Variants in KCMF1 observed in about 807,000 individuals in gnomAD.
KCMF1 encodes the protein potassium channel modulatory factor 1.
KCMF1 carries 3 observed loss-of-function variants against 41.1 expected under a neutral mutation model. That is an observed-to-expected ratio of 0.07 (90% CI 0.03 to 0.19). KCMF1 has a LOEUF of 0.19. Ranked by LOEUF, KCMF1 falls within the 10% of genes least tolerant of loss-of-function variation. The pLI is 1.00. For synonymous variants in KCMF1, 142 were observed against 164.5 expected, an observed-to-expected ratio of 0.86 and a Z score of 1.04; for missense variants, 286 against 488.9, an observed-to-expected ratio of 0.58 and a Z score of 3.91.
intron 1 of KCMF1, among the ~76,000 whole-genome samples, chr2:85,001,434 C>T (rs998808889): frequency 6.6e-6 from 1 of 152,186 alleles, no homozygotes; most frequent in Non-Finnish European, 1.5e-5. Context: ...GCTGGGATTA[C>T]AGGTGTGAGT....
chr2:85,017,273 G>A (rs1574026959), intron 1 of KCMF1, among the ~76,000 whole-genome samples: 2 of 150,858 alleles, frequency 1.3e-5, no homozygotes, highest in Admixed American at 6.6e-5. Context: ...TGATCCACCC[G>A]CTTCGGCCTC....
At chr2:84,981,707 C>G (rs1277761156) in intron 1 of KCMF1, among the ~76,000 whole-genome samples, 2 of 152,112 alleles carry the variant, frequency 1.3e-5, no homozygotes, top group South Asian at 4.1e-4. Context: ...CTGTCATCCT[C>G]CCTACTCAGC....
chr2:84,992,295 G>A (rs921622277), intron 1 of KCMF1, among the ~76,000 whole-genome samples: 1 of 151,938 alleles, frequency 6.6e-6, no homozygotes, highest in South Asian at 2.1e-4. Flanking sequence ...TCACTCTGTC[G>A]CCCAGGCTGG....
At chr2:85,013,020 T>G (rs549168920) in intron 1 of KCMF1, among the ~76,000 whole-genome samples, 5 of 152,302 alleles carry the variant, frequency 3.3e-5, no homozygotes, top group Non-Finnish European at 5.9e-5. Context: ...AGCGAGGATT[T>G]CAGGAACTGC....
rs986023510 is a variant in KCMF1 at position 85,058,144 on chromosome 2, T to C, written c.*4735T>C. ...GGCTCACGCCTGTAATCCCAGCACT[T>C]TGGGAGGCCAAGGCGGGTGGATCAC... On this transcript the variant is annotated 3_prime_UTR_variant, in exon 7 of 7. Transcript: ENST00000409785. 6 of 152,510 alleles carry C rather than the reference T, an allele frequency of 3.9e-5. No homozygotes were observed. The highest frequency in any genetic ancestry group is 3.9e-4 in the Admixed American group (6 of 15,286). 9.4% of individuals were successfully genotyped at this position (152,510 alleles called of 1,614,324 possible).
At chr2:85,026,892 T>C (rs2104027181) in intron 1 of KCMF1, among the ~76,000 whole-genome samples, 1 of 152,352 alleles carries the variant, frequency 6.6e-6, no homozygotes, top group East Asian at 1.9e-4. Flanking sequence ...GCTTTGTTTT[T>C]TTGTGTGTAT....
intron 3 of KCMF1, among the ~76,000 whole-genome samples, chr2:85,039,846 CTT>C (rs1675484075): frequency 6.6e-6 from 1 of 152,016 alleles, no homozygotes; most frequent in African/African-American, 2.4e-5. Context: ...AGATTTTGCT[CTT>C]GTTGCCCAGG....
At chr2:85,045,617 C>T (rs575153314) in intron 4 of KCMF1, among the ~76,000 whole-genome samples, 1 of 152,302 alleles carries the variant, frequency 6.6e-6, no homozygotes, top group South Asian at 2.1e-4. Flanking sequence ...TTGACTTACA[C>T]TCAGCTGTGT....
chr2:85,028,592 C>T (rs1038913184), intron 2 of KCMF1, among the ~76,000 whole-genome samples: 6 of 147,182 alleles, frequency 4.1e-5, no homozygotes, highest in Non-Finnish European at 5.9e-5. Flanking sequence ...CAGGTTCAAG[C>T]GATTCTCCTG....
intron 1 of KCMF1, among the ~76,000 whole-genome samples, chr2:85,007,029 A>G (rs867234056): frequency 3.2e-4 from 48 of 149,230 alleles, no homozygotes; most frequent in African/African-American, 1.1e-3. Context: ...TGGACCCGGG[A>G]GCCAGAGGTT....
chr2:84,989,701 C>T (rs777730353), intron 1 of KCMF1, among the ~76,000 whole-genome samples: 1 of 152,050 alleles, frequency 6.6e-6, no homozygotes, highest in Admixed American at 6.6e-5. Flanking sequence ...ATTAATTGGG[C>T]GTTGCCATTC....
At chr2:85,013,658 C>T (rs1456930325) in intron 1 of KCMF1, among the ~76,000 whole-genome samples, 1 of 151,988 alleles carries the variant, frequency 6.6e-6, no homozygotes, top group African/African-American at 2.4e-5. Context: ...ATTAGCCAGG[C>T]ATGGTGGCAC....
At chr2:85,016,913 C>T (rs1674782230) in intron 1 of KCMF1, among the ~76,000 whole-genome samples, 1 of 152,064 alleles carries the variant, frequency 6.6e-6, no homozygotes. Context: ...TGGTCTCGAA[C>T]CCCTGACCTT....
chr2:84,993,337 C>T (rs1277014496), intron 1 of KCMF1, among the ~76,000 whole-genome samples: 1 of 152,102 alleles, frequency 6.6e-6, no homozygotes, highest in Admixed American at 6.6e-5. Flanking sequence ...AAGAGGAGCT[C>T]ATCACGACTG....
intron 1 of KCMF1, among the ~76,000 whole-genome samples, chr2:84,974,658 CATATATATATATAT>C (rs71392939): frequency 0.014 from 423 of 29,340 alleles, 9 homozygotes; most frequent in African/African-American, 0.053. Context: ...ATTTTAATTT[CATATATATATATAT>C]ATATATATAT....
At chr2:84,977,113 A>T (rs747451290) in intron 1 of KCMF1, among the ~76,000 whole-genome samples, 1 of 152,102 alleles carries the variant, frequency 6.6e-6, no homozygotes, top group African/African-American at 2.4e-5. Context: ...TCCCAGGCTC[A>T]AGTGATCCTC....
chr2:84,973,854 A>T (rs1211991350), intron 1 of KCMF1, among the ~76,000 whole-genome samples: 2 of 104,408 alleles, frequency 1.9e-5, no homozygotes, highest in African/African-American at 3.9e-5. Context: ...TTTTAGCTGG[A>T]GTCTCACTCT....
chr2:84,998,960 A>T (rs368371089), intron 1 of KCMF1, among the ~76,000 whole-genome samples: 1 of 107,568 alleles, frequency 9.3e-6, no homozygotes, highest in Admixed American at 1.1e-4. Context: ...CTATCTATCT[A>T]TCTATCTGTC....
chr2:84,989,200 T>C (rs1301888856), intron 1 of KCMF1, among the ~76,000 whole-genome samples: 2 of 152,178 alleles, frequency 1.3e-5, no homozygotes, highest in Admixed American at 6.5e-5. Context: ...GTTTCAGTCC[T>C]ATGAGACAGG....
Sources: gnomAD v4.1 joint callset for allele counts (sites outside exome capture counted in the v4.1 genomes callset) on GRCh38, gnomAD v4.1.1 for gene constraint, MANE v1.5 for transcripts, NCBI Gene and HGNC (gene_info 2026-07-23, HGNC 2026-07-21) for gene names.